Variants in TNS2 observed in about 807,000 individuals in gnomAD.
TNS2 encodes the protein tensin 2.
TNS2 carries 77 observed loss-of-function variants against 155.7 expected under a neutral mutation model. The ratio of observed to expected loss-of-function variants is 0.49; its 90% CI spans 0.41 to 0.60. The LOEUF (loss-of-function observed/expected upper bound fraction) is 0.60, where lower values mean the gene tolerates loss of function less well. Among genes scored for constraint, TNS2 ranks in the 20% least tolerant of loss-of-function variants. The pLI, the probability that TNS2 is intolerant of heterozygous loss-of-function variation, is 0.00. For missense variants in TNS2, 1,703 were observed against 1,868.8 expected, an observed-to-expected ratio of 0.91 and a Z score of 1.64; for synonymous variants, 726 against 763.9, an observed-to-expected ratio of 0.95 and a Z score of 0.82.
At chr12:53,055,537 G>C (rs7315980) in intron 8 of TNS2, 31 bp from the exon 9 acceptor site, 3 of 1,572,824 alleles carry the variant, frequency 1.9e-6, no homozygotes, top group Non-Finnish European at 2.6e-6. Context: ...GGTGGCCCCC[G>C]GCCCCAGTTG....
intron 25 of TNS2, 157 bp downstream of exon 25, chr12:53,062,854 C>A: frequency 9.8e-7 from 1 of 1,019,886 alleles, no homozygotes; most frequent in Non-Finnish European, 1.4e-6. Context: ...GGAATTGGGT[C>A]CTCAGCCTAG....
chr12:53,061,392 A>G lies in TNS2; in HGVS notation c.3371A>G (p.Gln1124Arg), dbSNP rs1371372916. 1 of 1,614,010 alleles carries G rather than the reference A, an allele frequency of 6.2e-7. No individual in the cohort carries two copies. The highest frequency in any genetic ancestry group is 1.7e-5 in the Admixed American group (1 of 60,016). ...NVPQTPEPPT[Q>R]ESQSNVKFVQ... is the part of the protein sequence containing the mutation. ...CTCCCTGTCCTAGAGCCTCCTACAC[A>G]AGAGAGCCAAAGCAATGTCAAGTTT... The change falls in exon 21 of 29, where the codon CAA becomes CGA. Residue 1124 changes from glutamine (Q) to arginine (R), a missense_variant. By Grantham distance (43) the Gln-to-Arg change is conservative. Coordinates refer to ENST00000314250, the MANE Select transcript of TNS2 (RefSeq NM_170754.4).
chr12:53,053,904 T>G, intron 5 of TNS2, 61 bp from the exon 6 acceptor site: 1 of 1,613,830 alleles, frequency 6.2e-7, no homozygotes, highest in Non-Finnish European at 8.5e-7. Flanking sequence ...GGCTCTGGAG[T>G]GGGCAGTCTA....
In TNS2 at chr12:53,050,748, AGT is replaced by A. The variant is rs770686478; in HGVS notation, c.75+491_75+492del. ...TGCTGCTAATGCCAACATGCTCCCA[AGT>A]GTCTTAGTGGGTCCCACAAAGTTGA... is the stretch of plus-strand genomic sequence containing the variant. On this transcript the variant is annotated intron_variant, in intron 1 of 28. Transcript: ENST00000314250. This position sits in a 1 kb window ranked among gnomAD's most constrained non-coding sequence, Gnocchi z 4.7. 3.3e-5 allele frequency among the ~76,000 whole-genome samples: 5 copies of A among 152,160 alleles called. No individual in the cohort carries two copies. The highest frequency in any genetic ancestry group is 7.3e-5 in the Non-Finnish European group (5 of 68,028).
intron 1 of TNS2, among the ~76,000 whole-genome samples, chr12:53,051,575 CA>C (rs1203703503): frequency 1.3e-5 from 2 of 152,182 alleles, no homozygotes; most frequent in Non-Finnish European, 2.9e-5. Context: ...GGCTTTTCCA[CA>C]AGGGCATCAC....
intron 10 of TNS2, 96 bp from the exon 11 acceptor site, chr12:53,056,917 A>G: frequency 8.4e-7 from 1 of 1,189,300 alleles, no homozygotes. Context: ...CTAGACTTAG[A>G]GAATCATATT....
chr12:53,058,041 C>G lies in TNS2; in HGVS notation c.1034C>G (p.Pro345Arg). 6 of 1,614,180 alleles carry G rather than the reference C, an allele frequency of 3.7e-6. No homozygotes were observed. Among genetic ancestry groups the G allele is most frequent in the Non-Finnish European group, 5.1e-6 (6 of 1,180,040 alleles). ...TCTCCCCACAGTCACATTGCAGGCCCTGGTCCCCAGCAGCTTTGCATCAGC... is the reference window on the plus strand; with the variant it reads ...TCTCCCCACAGTCACATTGCAGGCCGTGGTCCCCAGCAGCTTTGCATCAGC... ...YTSGVYHIAG[P>R]GPQQLCISLE... is the part of the protein sequence containing the mutation. The change falls in exon 14 of 29, where the codon CCT becomes CGT. Residue 345 changes from proline (P) to arginine (R), a missense_variant. Physicochemically the swap from Pro to Arg is moderately radical, Grantham distance 103. Transcript: ENST00000314250.
rs66607805 is a variant in TNS2 at position 53,058,479 on chromosome 12, CCAGGTGGCAGG to C, written c.1225+61_1226-56del. The C allele has an allele frequency of 0.47, 750,451 of 1,611,784 alleles. 187,674 individuals carry two copies. The highest frequency in any genetic ancestry group is 0.89 in the East Asian group (39,628 of 44,692). ...GAGACAAGTGGCCTGGGGCTGGAGT[CCAGGTGGCAGG>C]CAGGTGGCAGGCAGGTGGCAGGCAG... On this transcript the variant is annotated intron_variant, in intron 15 of 28. Transcript: ENST00000314250.
At position 53,061,456 on chromosome 12, in the gene TNS2, G is replaced by A; in HGVS notation, c.3435G>A (p.Leu1145=). 2.5e-6 allele frequency: 4 copies of A among 1,614,034 alleles called. No individual in the cohort carries two copies. The highest frequency in any genetic ancestry group is 2.5e-6 in the Non-Finnish European group (3 of 1,179,982). Residue 1145 remains leucine (L), a synonymous_variant, in exon 21 of 29, where the codon CTG becomes CTA. Transcript: ENST00000314250. The part of the protein sequence containing the change: ...DTSKFWYKPH[L]SRDQAIALLK... ...CCAAGTTCTGGTACAAGCCACACCT[G>A]TCCCGTGACCAAGGTGAGAAGCCAG... is the stretch of plus-strand genomic sequence containing the variant.
At chr12:53,049,886 T>A, upstream of TNS2, 1 of 504,332 alleles carries the variant, frequency 2.0e-6, no homozygotes, top group Non-Finnish European at 3.4e-6. Context: ...ACTCCAGAGT[T>A]GGGGGAGTAG....
chr12:53,053,465 G>A lies in TNS2; in HGVS notation c.261+16G>A, dbSNP rs768750432. ...CGTGGAGTTGGTGAGTGCGCTCTGG[G>A]ATGGGGTGGGGAGGGCAAGGAACCT... On this transcript the variant is annotated intron_variant, in intron 4 of 28. Transcript: ENST00000314250. 1 of 1,614,000 alleles carries A rather than the reference G, an allele frequency of 6.2e-7. No homozygotes were observed. The highest frequency in any genetic ancestry group is 1.7e-5 in the Admixed American group (1 of 60,010).
In TNS2 at chr12:53,062,363, T is replaced by C; in HGVS notation, c.3668-13T>C. 1 of 1,613,790 alleles carries C rather than the reference T, an allele frequency of 6.2e-7. No homozygotes were observed. Among genetic ancestry groups the C allele is most frequent in the South Asian group, 1.1e-5 (1 of 91,064 alleles). On this transcript the variant is annotated splice_polypyrimidine_tract_variant and intron_variant, in intron 23 of 28. Coordinates refer to ENST00000314250, the MANE Select transcript of TNS2 (RefSeq NM_170754.4). ...CTGGGCATCTCGGGACTTTCCTACC[T>C]CCTCTCCCACAGGCAGCCTGTCCGC... is the stretch of plus-strand genomic sequence containing the variant.
In TNS2 at chr12:53,060,061, A is replaced by G. The variant is rs1210233614; in HGVS notation, c.2420A>G (p.His807Arg). 1.9e-6 allele frequency: 3 copies of G among 1,613,168 alleles called. No homozygotes were observed. Among genetic ancestry groups the G allele is most frequent in the Non-Finnish European group, 2.5e-6 (3 of 1,179,806 alleles). The part of the protein sequence containing the change: ...SYCPAYGRVP[H>R]SCGSPGEGRG... ...TGCCCAGCATATGGCCGTGTGCCTC[A>G]TAGCTGTGGCTCTCCAGGAGAGGGC... is the stretch of plus-strand genomic sequence containing the variant. Residue 807 changes from histidine to arginine, a missense_variant, in exon 18 of 29, where the codon CAT (histidine) becomes CGT (arginine). Transcript: ENST00000314250. This position sits in a 1 kb window ranked among gnomAD's most constrained non-coding sequence, Gnocchi z 6.1.
chr12:53,059,075 G>T lies in TNS2; in HGVS notation c.1434G>T (p.Leu478=). 1 of 1,539,752 alleles carries T rather than the reference G, an allele frequency of 6.5e-7. No individual in the cohort carries two copies. The highest frequency in any genetic ancestry group is 8.7e-7 in the Non-Finnish European group (1 of 1,146,490). Residue 478 remains leucine, a synonymous_variant, in exon 18 of 29, where the codon CTG becomes CTT. Coordinates refer to ENST00000314250, the MANE Select transcript of TNS2 (RefSeq NM_170754.4). This position sits in a 1 kb window ranked among gnomAD's most constrained non-coding sequence, Gnocchi z 4.7. ...DGSLTHTRGP[L]DGSPYAQVQR... The stretch of plus-strand genomic sequence containing the variant: ...CCTTGACCCACACCCGGGGTCCCCT[G>T]GATGGCAGTCCTTATGCCCAGGTGC...
chr12:53,058,204 G>A, intron 14 of TNS2, 102 bp downstream of exon 14: 5 of 1,607,492 alleles, frequency 3.1e-6, no homozygotes, highest in Non-Finnish European at 4.3e-6. Flanking sequence ...GAGCGAGTAG[G>A]GAGATCACCT....
At position 53,063,199 on chromosome 12, in the gene TNS2, G is replaced by T. The variant is rs753841128; in HGVS notation, c.3934G>T (p.Ala1312Ser). 4 of 1,612,846 alleles carry T rather than the reference G, an allele frequency of 2.5e-6. No individual in the cohort carries two copies. The South Asian group carries it at 4.4e-5, about 18-fold the overall frequency. ...GAGCTGTAGCCCCCGCCCGACACCA[G>T]CTGTTGTCCACTTCAAGGTGTCAGC... ...ALSCSPRPTP[A>S]VVHFKVSAQG... is the part of the protein sequence containing the mutation. Residue 1312 changes from alanine to serine, a missense_variant, in exon 26 of 29, where the codon GCT (alanine) becomes TCT (serine). Physicochemically the swap from Ala to Ser is moderately conservative, Grantham distance 99. Coordinates refer to ENST00000314250, the MANE Select transcript of TNS2 (RefSeq NM_170754.4). This position sits in a 1 kb window ranked among gnomAD's most constrained non-coding sequence, Gnocchi z 5.6.
Position 53,062,607 on chromosome 12 carries a change from TCATTG to T in TNS2, c.3746-11_3746-7del, listed in dbSNP as rs751966560. 6.2e-7 allele frequency: 1 copy of T among 1,613,692 alleles called. No individual in the cohort carries two copies. The highest frequency in any genetic ancestry group is 1.1e-5 in the South Asian group (1 of 91,078). On this transcript the variant is annotated splice_polypyrimidine_tract_variant and splice_region_variant and intron_variant, in intron 24 of 28. Coordinates refer to ENST00000314250, the MANE Select transcript of TNS2 (RefSeq NM_170754.4). ...GCCTTCTGAGCTTCCCTGTCGGTTC[TCATTG>T]CCCTCAGATCCTCTGGAAGAGACCC...
Position 53,053,799 on chromosome 12 carries a change from G to A in TNS2, c.287G>A (p.Arg96His), listed in dbSNP as rs754335618. Residue 96 changes from arginine to histidine, a missense_variant, in exon 5 of 29, where the codon CGC becomes CAC. Coordinates refer to ENST00000314250, the MANE Select transcript of TNS2 (RefSeq NM_170754.4). ...CGGCGAAACACGGCCCCAGTCAGGC[G>A]CATAGAGCACCTGGTAAGGTGATGC... is the stretch of plus-strand genomic sequence containing the variant. Reference protein sequence around the residue: ...ELRRNTAPVRRIEHLGSTKSL... With the variant: ...ELRRNTAPVRHIEHLGSTKSL... The A allele has an allele frequency of 1.2e-5, 20 of 1,612,250 alleles. No homozygotes were observed. The South Asian group carries it at 1.9e-4, about 15-fold the overall frequency.
upstream of TNS2, among the ~76,000 whole-genome samples, chr12:53,047,499 G>GGGGCGCA (rs1943768141): frequency 6.7e-6 from 1 of 148,866 alleles, no homozygotes; most frequent in African/African-American, 2.4e-5. Context: ...CGCGGGGCGC[G>GGGGCGCA]GCCCAGGGCT....
Sources: gnomAD v4.1 joint callset for allele counts (sites outside exome capture counted in the v4.1 genomes callset) on GRCh38, gnomAD v4.1.1 for gene constraint, Gnocchi (gnomAD v3.1) non-coding constraint, MANE v1.5 for transcripts, NCBI Gene and HGNC (gene_info 2026-07-23, HGNC 2026-07-21) for gene names.